ROR2: variants seen among roughly 807,000 people sequenced by gnomAD.
The protein encoded by ROR2 is ROR family WNT receptor 2, also known as tyrosine-protein kinase transmembrane receptor ROR2.
In ROR2, 33 loss-of-function variants were observed where a neutral mutation model predicts 74.9. That is an observed-to-expected ratio of 0.44 (90% CI 0.33 to 0.59). The LOEUF (loss-of-function observed/expected upper bound fraction) is 0.59. Ranked by LOEUF, ROR2 falls within the 20% of genes least tolerant of loss-of-function variation. The probability of loss-of-function intolerance (pLI) is 0.02; values close to 1 mark genes in which losing one functional copy is unlikely to be tolerated. For synonymous variants in ROR2, 586 were observed against 558.7 expected (o/e 1.05, Z -0.69); for missense variants, 1,216 against 1,313.8 (o/e 0.93, Z 1.15).
At chr9:91,822,072 G>A (rs929196269) in intron 1 of ROR2, among the ~76,000 whole-genome samples, 11 of 152,284 alleles carry the variant, frequency 7.2e-5, no homozygotes, top group African/African-American at 2.4e-4. Flanking sequence ...TTGTAAACAC[G>A]GCAGTTGACC....
chr9:91,910,963 C>T (rs1041186198), intron 1 of ROR2, among the ~76,000 whole-genome samples: 3 of 152,192 alleles, frequency 2.0e-5, no homozygotes, highest in African/African-American at 4.8e-5. Context: ...CGCGCCCAGC[C>T]AACTATGTAA....
intron 4 of ROR2, among the ~76,000 whole-genome samples, chr9:91,738,410 G>A (rs1438317627): frequency 6.6e-6 from 1 of 152,134 alleles, no homozygotes; most frequent in Admixed American, 6.5e-5. Flanking sequence ...AAGGGTACAC[G>A]GGGATGGGTA....
intron 1 of ROR2, among the ~76,000 whole-genome samples, chr9:91,829,125 T>C (rs914510288): frequency 6.6e-6 from 1 of 152,250 alleles, no homozygotes; most frequent in African/African-American, 2.4e-5. Flanking sequence ...ATCATGGCAC[T>C]GTCCCACCTC....
chr9:91,827,497 A>C (rs1234118024), intron 1 of ROR2, among the ~76,000 whole-genome samples: 1 of 152,190 alleles, frequency 6.6e-6, no homozygotes, highest in Non-Finnish European at 1.5e-5. Context: ...GTTCATTTCT[A>C]ATTGTCAACT....
At chr9:91,745,569 G>A (rs1825386099) in intron 4 of ROR2, among the ~76,000 whole-genome samples, 1 of 151,602 alleles carries the variant, frequency 6.6e-6, no homozygotes, top group Non-Finnish European at 1.5e-5. Context: ...GGGATTACAG[G>A]TGTGTGCCAC....
At chr9:91,829,549 C>CAAAAAAAAAAAAAAAAAAAAAAAAAA (rs34687056) in intron 1 of ROR2, among the ~76,000 whole-genome samples, 1 of 40,510 alleles carries the variant, frequency 2.5e-5, no homozygotes, top group African/African-American at 9.8e-5. Context: ...GACTCCGTCT[C>CAAAAAAAAAAAAAAAAAAAAAAAAAA]AAAAAAAAAA....
At chr9:91,749,102 G>A (rs1368559485) in intron 4 of ROR2, among the ~76,000 whole-genome samples, 2 of 152,158 alleles carry the variant, frequency 1.3e-5, no homozygotes, top group Non-Finnish European at 2.9e-5. Flanking sequence ...AGAAACAGCA[G>A]CATTAGTTCT....
At chr9:91,911,447 T>G (rs1461394640) in intron 1 of ROR2, among the ~76,000 whole-genome samples, 3 of 152,184 alleles carry the variant, frequency 2.0e-5, no homozygotes, top group Admixed American at 6.5e-5. Context: ...GCAGTTAAAA[T>G]ATGATATAAT....
intron 1 of ROR2, among the ~76,000 whole-genome samples, chr9:91,894,022 C>A (rs1830482893): frequency 6.6e-6 from 1 of 152,180 alleles, no homozygotes; most frequent in South Asian, 2.1e-4. Flanking sequence ...CATTCCCCTG[C>A]TGAAAGCCTT....
chr9:91,836,038 G>A (rs1642137235), intron 1 of ROR2, among the ~76,000 whole-genome samples: 1 of 152,172 alleles, frequency 6.6e-6, no homozygotes, highest in Admixed American at 6.5e-5. Context: ...TTTACTTCCT[G>A]CATTCCCCCG....
chr9:91,948,884 C>T (rs117620263), intron 1 of ROR2: 55,266 of 985,440 alleles, frequency 0.056, 1,615 homozygotes, highest in Middle Eastern at 0.081. Context: ...CGGCCCGAGG[C>T]GCGCGGGCGG....
intron 4 of ROR2, among the ~76,000 whole-genome samples, chr9:91,740,500 C>T (rs996831924): frequency 1.3e-5 from 2 of 149,260 alleles, no homozygotes; most frequent in Non-Finnish European, 3.0e-5. Context: ...TGCAGTGAGC[C>T]GAGAATACGC....
rs976808497 is a variant in ROR2, at chr9:91,746,818, T to G, written c.494+9253A>C. Among the ~76,000 whole-genome samples, 32 of 152,180 alleles carry G rather than the reference T, an allele frequency of 2.1e-4. No individual in the cohort carries two copies. The South Asian group carries it at 6.4e-3, about 31-fold the overall frequency. On this transcript the variant is annotated intron_variant, in intron 4 of 8. Coordinates refer to ENST00000375708, the MANE Select transcript of ROR2 (RefSeq NM_004560.4). ...CCCAGAGGCCAATAATTAACATAACTTTTCATTATTCAAAAGAATAACACA... is the reference window on the plus strand; with the variant it reads ...CCCAGAGGCCAATAATTAACATAACGTTTCATTATTCAAAAGAATAACACA...
chr9:91,858,130 G>A (rs369151455), intron 1 of ROR2, among the ~76,000 whole-genome samples: 6 of 152,152 alleles, frequency 3.9e-5, no homozygotes, highest in African/African-American at 1.4e-4. Flanking sequence ...CAAAGACCAC[G>A]GTTCACCAGG....
At chr9:91,772,853 C>T (rs115902041) in intron 2 of ROR2, among the ~76,000 whole-genome samples, 129 of 152,292 alleles carry the variant, frequency 8.5e-4, no homozygotes, top group African/African-American at 3.0e-3. Flanking sequence ...TTCTATTCTA[C>T]GCTTGAGAAG....
chr9:91,793,691 G>C (rs1373569159), intron 1 of ROR2, among the ~76,000 whole-genome samples: 4 of 151,762 alleles, frequency 2.6e-5, no homozygotes, highest in Non-Finnish European at 5.9e-5. Flanking sequence ...GAACCTGGGA[G>C]GGGGAGGTTG....
chr9:91,870,770 A>G (rs1829773271), intron 1 of ROR2, among the ~76,000 whole-genome samples: 1 of 152,266 alleles, frequency 6.6e-6, no homozygotes, highest in African/African-American at 2.4e-5. Flanking sequence ...AGCCACAGCT[A>G]TGGCACTGAT....
intron 3 of ROR2, among the ~76,000 whole-genome samples, chr9:91,756,768 G>A (rs1163291907): frequency 3.0e-5 from 1 of 33,892 alleles, no homozygotes; most frequent in Middle Eastern, 0.015. Context: ...TTTTTTTTTT[G>A]AGACAGAGTT....
chr9:91,938,618 T>C (rs1424091352), intron 1 of ROR2, among the ~76,000 whole-genome samples: 2 of 152,002 alleles, frequency 1.3e-5, no homozygotes, highest in South Asian at 4.1e-4. Context: ...CAAGACTTCA[T>C]CTCAAAAAGG....
Sources: gnomAD v4.1 joint callset for allele counts (sites outside exome capture counted in the v4.1 genomes callset) on GRCh38, gnomAD v4.1.1 for gene constraint, MANE v1.5 for transcripts, NCBI Gene and HGNC (gene_info 2026-07-23, HGNC 2026-07-21) for gene names.